Variants in AKT3 observed in about 807,000 individuals in gnomAD.
AKT3 encodes AKT serine/threonine kinase 3, also known as RAC-gamma serine/threonine-protein kinase.
In AKT3, 15 loss-of-function variants were observed where a neutral mutation model predicts 65.3. The observed-to-expected ratio is 0.23, with a 90% confidence interval of 0.15 to 0.35. AKT3 has a LOEUF of 0.35. Ranked by LOEUF, AKT3 falls within the 10% of genes least tolerant of loss-of-function variation. AKT3 has a pLI of 1.00. For synonymous variants in AKT3, 206 were observed against 183.8 expected (o/e 1.12, Z -0.98); for missense variants, 243 against 576.5 (o/e 0.42, Z 5.92).
At chr1:243,545,160 A>C (rs1255388066) in intron 12 of AKT3, among the ~76,000 whole-genome samples, 1 of 152,208 alleles carries the variant, frequency 6.6e-6, no homozygotes, top group Non-Finnish European at 1.5e-5. Flanking sequence ...GTTCACTTTA[A>C]AATTAAAGAC....
intron 13 of AKT3, among the ~76,000 whole-genome samples, chr1:243,492,468 ATTT>A (rs1435657490): frequency 6.3e-4 from 94 of 149,546 alleles, no homozygotes; most frequent in Non-Finnish European, 1.1e-3. Flanking sequence ...CACCTAGCTA[ATTT>A]TTTTGTATTT....
intron 2 of AKT3, among the ~76,000 whole-genome samples, chr1:243,736,630 G>T (rs374679696): frequency 6.6e-6 from 1 of 152,100 alleles, no homozygotes; most frequent in African/African-American, 2.4e-5. Flanking sequence ...GAAGTGAATG[G>T]TATTATACAG....
In AKT3 at chr1:243,552,782, A is replaced by G. The variant is rs1558609993; in HGVS notation, c.1110T>C (p.Ser370=). 1 of 1,614,006 alleles carries G rather than the reference A, an allele frequency of 6.2e-7. No homozygotes were observed. The change falls in exon 11 of 14, where the codon TCT becomes TCC. Residue 370 remains serine, a synonymous_variant. Transcript: ENST00000673466. ...MEDIKFPRTL[S]SDAKSLLSGL... ...CTGAAAGCAATGATTTTGCATCTGAAGAGAGTGTTCGAGGAAATTTAATGT... is the reference window on the plus strand; with the variant it reads ...CTGAAAGCAATGATTTTGCATCTGAGGAGAGTGTTCGAGGAAATTTAATGT...
At chr1:243,578,837 A>C (rs1430403566) in intron 8 of AKT3, among the ~76,000 whole-genome samples, 1 of 152,230 alleles carries the variant, frequency 6.6e-6, no homozygotes, top group African/African-American at 2.4e-5. Context: ...GAAAAGCTGC[A>C]GACACAATGA....
intron 2 of AKT3, among the ~76,000 whole-genome samples, chr1:243,729,459 T>A (rs1278189705): frequency 6.6e-6 from 1 of 152,098 alleles, no homozygotes; most frequent in African/African-American, 2.4e-5. Flanking sequence ...AGAACATAAA[T>A]GGGTACAGCC....
Position 243,850,091 on chromosome 1 carries a change from G to C in AKT3, c.-164C>G, listed in dbSNP as rs1334262022. The C allele has an allele frequency of 1.1e-5, 5 of 448,572 alleles. No individual in the cohort carries two copies. The highest frequency in any genetic ancestry group is 1.5e-5 in the Non-Finnish European group (5 of 340,952). The allele number at this position is 448,572 out of a possible 1,614,324, so 27.8% of individuals were successfully genotyped here. ...GCCCCGCAGCTGCTCGGGCGGCGGC[G>C]GAGGATGGAGCCGGGGGGGGGCGGG... On this transcript the variant is annotated 5_prime_UTR_variant, in exon 1 of 14. Coordinates refer to ENST00000673466, the MANE Select transcript of AKT3 (RefSeq NM_005465.7).
At chr1:243,498,725 T>G (rs9428576), downstream of AKT3, among the ~76,000 whole-genome samples, 1 of 152,128 alleles carries the variant, frequency 6.6e-6, no homozygotes, top group Non-Finnish European at 1.5e-5. Context: ...GAAATCCCCA[T>G]GTTAATGATG....
At chr1:243,621,607 T>TA (rs1678757135) in intron 6 of AKT3, among the ~76,000 whole-genome samples, 1 of 152,136 alleles carries the variant, frequency 6.6e-6, no homozygotes, top group African/African-American at 2.4e-5. Flanking sequence ...TTCCTAAACT[T>TA]AAAAAATGCC....
At chr1:243,584,017 AATG>A (rs575514602) in intron 8 of AKT3, among the ~76,000 whole-genome samples, 1 of 152,172 alleles carries the variant, frequency 6.6e-6, no homozygotes, top group South Asian at 2.1e-4. Context: ...CACATAATGA[AATG>A]ATGAAGCCAA....
chr1:243,493,252 A>C (rs561467519), intron 13 of AKT3, among the ~76,000 whole-genome samples: 1 of 145,928 alleles, frequency 6.9e-6, no homozygotes, highest in Non-Finnish European at 1.5e-5. Context: ...ATTCGGGGTG[A>C]GGGTGGTGGG....
intron 2 of AKT3, among the ~76,000 whole-genome samples, chr1:243,831,155 A>G (rs1435635621): frequency 3.9e-5 from 6 of 152,152 alleles, no homozygotes; most frequent in Non-Finnish European, 8.8e-5. Flanking sequence ...CCATTTTTGT[A>G]TCACATACTG....
intron 4 of AKT3, among the ~76,000 whole-genome samples, chr1:243,648,819 A>G (rs180955893): frequency 3.9e-4 from 59 of 152,120 alleles, no homozygotes; most frequent in African/African-American, 1.3e-3. Flanking sequence ...TTCCTTTAAC[A>G]ATACCCCAAA....
chr1:243,602,308 G>T (rs1020014989), intron 8 of AKT3, among the ~76,000 whole-genome samples: 4 of 151,680 alleles, frequency 2.6e-5, no homozygotes, highest in Non-Finnish European at 5.9e-5. Flanking sequence ...TTCTTGACTT[G>T]GGAATTTTGA....
chr1:243,606,145 A>G (rs936803795), intron 8 of AKT3, among the ~76,000 whole-genome samples: 1 of 152,216 alleles, frequency 6.6e-6, no homozygotes, highest in Non-Finnish European at 1.5e-5. Context: ...TCACAGCAGC[A>G]TGAGAACAGA....
chr1:243,775,551 G>A (rs910891017), intron 2 of AKT3, among the ~76,000 whole-genome samples: 1 of 152,056 alleles, frequency 6.6e-6, no homozygotes, highest in Admixed American at 6.6e-5. Context: ...CCCCACCTGT[G>A]GGATCCACCA....
intron 8 of AKT3, among the ~76,000 whole-genome samples, chr1:243,593,190 A>G (rs1436854963): frequency 6.6e-6 from 1 of 152,230 alleles, no homozygotes; most frequent in Non-Finnish European, 1.5e-5. Context: ...CAGCATTGCC[A>G]CAATACAAAA....
intron 13 of AKT3, among the ~76,000 whole-genome samples, chr1:243,507,560 G>C (rs900766767): frequency 6.6e-6 from 1 of 152,232 alleles, no homozygotes; most frequent in African/African-American, 2.4e-5. Flanking sequence ...GGAAGTGGCA[G>C]CTGACTCTGA....
chr1:243,550,492 T>C (rs895930907), intron 11 of AKT3, among the ~76,000 whole-genome samples: 1 of 151,936 alleles, frequency 6.6e-6, no homozygotes, highest in Non-Finnish European at 1.5e-5. Flanking sequence ...GAATGAGACA[T>C]ACACATGAAA....
At chr1:243,495,277 G>A (rs959598188), downstream of AKT3, among the ~76,000 whole-genome samples, 7 of 152,208 alleles carry the variant, frequency 4.6e-5, no homozygotes, top group South Asian at 4.1e-4. Context: ...AGTCCAGCTC[G>A]AGATGCTGTC....
Sources: allele counts gnomAD v4.1 joint callset (sites outside exome capture counted in the v4.1 genomes callset), GRCh38; gene constraint gnomAD v4.1.1; transcripts MANE v1.5; gene names NCBI Gene and HGNC (gene_info 2026-07-23, HGNC 2026-07-21).